SRPK1: variants seen among roughly 807,000 people sequenced by gnomAD.
SRPK1 encodes the protein SRSF protein kinase 1.
A neutral mutation model predicts 89.5 loss-of-function variants in SRPK1; 52 were observed. The ratio of observed to expected loss-of-function variants is 0.58; its 90% confidence interval spans 0.46 to 0.73. The LOEUF (loss-of-function observed/expected upper bound fraction) is 0.73, where lower values mean the gene tolerates loss of function less well. Among genes scored for constraint, SRPK1 ranks in the 30% least tolerant of loss-of-function variants. The pLI, the probability that SRPK1 is intolerant of heterozygous loss-of-function variation, is 0.00. For synonymous variants in SRPK1, 255 were observed against 270.2 expected (o/e 0.94, Z 0.55); for missense variants, 603 against 780.6 (o/e 0.77, Z 2.71).
intron 2 of SRPK1, among the ~76,000 whole-genome samples, chr6:35,919,192 C>T (rs1771174322): frequency 6.6e-6 from 1 of 152,204 alleles, no homozygotes; most frequent in Non-Finnish European, 1.5e-5. Flanking sequence ...TAAACAGACA[C>T]ACACAAACTC....
intron 5 of SRPK1, among the ~76,000 whole-genome samples, chr6:35,887,160 G>A (rs1004496821): frequency 1.3e-5 from 2 of 151,998 alleles, no homozygotes; most frequent in Non-Finnish European, 2.9e-5. Context: ...TTTTTTCAGC[G>A]GACATTTTTT....
chr6:35,866,664 C>A (rs1238984305), intron 12 of SRPK1, among the ~76,000 whole-genome samples: 1 of 152,126 alleles, frequency 6.6e-6, no homozygotes, highest in Non-Finnish European at 1.5e-5. Context: ...CATGATCTAG[C>A]AGTACCACTG....
chr6:35,904,245 G>C (rs114004255), intron 2 of SRPK1, among the ~76,000 whole-genome samples: 4,963 of 152,194 alleles, frequency 0.033, 96 homozygotes, highest in Middle Eastern at 0.065. Flanking sequence ...TGTTAAATTA[G>C]TTGAAAAACT....
chr6:35,849,191 T>C (rs988210498), intron 13 of SRPK1, among the ~76,000 whole-genome samples: 3 of 151,934 alleles, frequency 2.0e-5, no homozygotes, highest in Non-Finnish European at 4.4e-5. Context: ...TAAATAAACA[T>C]TTCTGAAAAG....
At chr6:35,876,085 T>TAAAAAAAAAA (rs34493292) in intron 6 of SRPK1, among the ~76,000 whole-genome samples, 2 of 77,646 alleles carry the variant, frequency 2.6e-5, no homozygotes, top group African/African-American at 1.0e-4. Context: ...ATTCTTAAAT[T>TAAAAAAAAAA]AAAAAAAAAA....
At chr6:35,861,498 A>C (rs917361729) in intron 12 of SRPK1, among the ~76,000 whole-genome samples, 9 of 152,158 alleles carry the variant, frequency 5.9e-5, no homozygotes, top group Admixed American at 2.0e-4. Context: ...GAGGAGGAAG[A>C]GGGGAGGCTA....
intron 12 of SRPK1, among the ~76,000 whole-genome samples, chr6:35,867,296 G>C (rs558238653): frequency 6.6e-6 from 1 of 152,180 alleles, no homozygotes; most frequent in Non-Finnish European, 1.5e-5. Context: ...AGATGATAGC[G>C]TAGTGGAGTA....
intron 2 of SRPK1, among the ~76,000 whole-genome samples, chr6:35,891,276 T>C (rs1770511919): frequency 6.6e-6 from 1 of 152,218 alleles, no homozygotes; most frequent in African/African-American, 2.4e-5. Flanking sequence ...TATCCAAACA[T>C]AATCACTGAT....
At chr6:35,907,832 C>A (rs1434899683) in intron 2 of SRPK1, among the ~76,000 whole-genome samples, 1 of 132,546 alleles carries the variant, frequency 7.5e-6, no homozygotes. Flanking sequence ...AAATTGTAAT[C>A]CCCACATCAG....
intron 1 of SRPK1, 150 bp from the exon 2 acceptor site, chr6:35,920,678 T>G: frequency 5.5e-6 from 2 of 361,720 alleles, no homozygotes; most frequent in Non-Finnish European, 4.1e-6. Context: ...GCCGTGGGGC[T>G]GGCGGCCCAC....
At chr6:35,861,260 A>C (rs1582001139) in intron 12 of SRPK1, among the ~76,000 whole-genome samples, 1 of 152,160 alleles carries the variant, frequency 6.6e-6, no homozygotes, top group Non-Finnish European at 1.5e-5. Flanking sequence ...AGCATCCCAC[A>C]TTCTGAAAAT....
intron 13 of SRPK1, among the ~76,000 whole-genome samples, chr6:35,843,056 C>T (rs1261046394): frequency 6.6e-6 from 1 of 151,678 alleles, no homozygotes; most frequent in Admixed American, 6.6e-5. Flanking sequence ...GCAAGCTCCG[C>T]CTCCTGGGTT....
intron 2 of SRPK1, among the ~76,000 whole-genome samples, chr6:35,916,226 A>G (rs1166761866): frequency 1.6e-5 from 1 of 62,524 alleles, no homozygotes; most frequent in Non-Finnish European, 3.0e-5. Context: ...ACTCTGCCTC[A>G]AATAAATAAA....
At chr6:35,891,718 ACT>A (rs1176885130) in intron 2 of SRPK1, among the ~76,000 whole-genome samples, 1 of 145,382 alleles carries the variant, frequency 6.9e-6, no homozygotes, top group Non-Finnish European at 1.5e-5. Flanking sequence ...CAAGAGCGAA[ACT>A]CTGTCTCAAA....
At chr6:35,882,903 G>T (rs781147113) in intron 6 of SRPK1, among the ~76,000 whole-genome samples, 1 of 151,976 alleles carries the variant, frequency 6.6e-6, no homozygotes, top group Non-Finnish European at 1.5e-5. Flanking sequence ...CCGCCTCCCA[G>T]GTTCAAACCA....
chr6:35,899,237 A>G (rs1770690909), intron 2 of SRPK1, among the ~76,000 whole-genome samples: 1 of 152,112 alleles, frequency 6.6e-6, no homozygotes, highest in African/African-American at 2.4e-5. Context: ...ATTTTTTTCC[A>G]ATGGCCTACA....
At chr6:35,846,178 A>G (rs1265574434) in intron 13 of SRPK1, among the ~76,000 whole-genome samples, 1 of 152,106 alleles carries the variant, frequency 6.6e-6, no homozygotes, top group Non-Finnish European at 1.5e-5. Context: ...TAGTCCCAGC[A>G]CTTTGGGAGG....
At chr6:35,838,458 G>A in intron 14 of SRPK1, 29 bp from the exon 15 acceptor site, 1 of 1,533,310 alleles carries the variant, frequency 6.5e-7, no homozygotes, top group Non-Finnish European at 8.8e-7. Flanking sequence ...TCAAGAGGGG[G>A]GAAAAAAAAG....
intron 2 of SRPK1, among the ~76,000 whole-genome samples, chr6:35,895,295 G>A (rs917907584): frequency 2.6e-5 from 4 of 152,242 alleles, no homozygotes; most frequent in South Asian, 4.1e-4. Flanking sequence ...AAAGTAGAAC[G>A]TAAGGATTCT....
Sources: allele counts gnomAD v4.1 joint callset (sites outside exome capture counted in the v4.1 genomes callset), GRCh38; gene constraint gnomAD v4.1.1; transcripts MANE v1.5; gene names NCBI Gene and HGNC (gene_info 2026-07-23, HGNC 2026-07-21).